Variants in GNA12 observed in about 807,000 individuals in gnomAD.
GNA12 encodes the protein guanine nucleotide-binding protein subunit alpha-12.
A neutral mutation model predicts 26.0 loss-of-function variants in GNA12; 9 were observed. That is an observed-to-expected ratio of 0.35 (90% CI 0.21 to 0.60). GNA12 has a LOEUF of 0.60. GNA12 is among the 20% of genes least tolerant of loss of function. The pLI, the probability that GNA12 is intolerant of heterozygous loss-of-function variation, is 0.78. For synonymous variants in GNA12, 264 were observed against 219.6 expected (o/e 1.20, Z -1.79); for missense variants, 405 against 525.8 (o/e 0.77, Z 2.25).
intron 2 of GNA12, among the ~76,000 whole-genome samples, chr7:2,767,742 A>AC (rs1447364881): frequency 5.9e-5 from 9 of 152,272 alleles, no homozygotes; most frequent in African/African-American, 2.2e-4. Flanking sequence ...TGGAAAGATA[A>AC]CATGGTACAT....
intron 1 of GNA12, among the ~76,000 whole-genome samples, chr7:2,802,451 T>C (rs576551736): frequency 6.6e-6 from 1 of 151,840 alleles, no homozygotes; most frequent in East Asian, 1.9e-4. Context: ...CTGCAAATCC[T>C]GTTATCTCAT....
At chr7:2,735,625 C>A (rs1790131082) in intron 2 of GNA12, among the ~76,000 whole-genome samples, 1 of 152,216 alleles carries the variant, frequency 6.6e-6, no homozygotes, top group African/African-American at 2.4e-5. Flanking sequence ...CACAACACAG[C>A]AAACACTCAC....
intron 1 of GNA12, among the ~76,000 whole-genome samples, chr7:2,842,347 G>C (rs1779022556): frequency 6.6e-6 from 1 of 152,000 alleles, no homozygotes; most frequent in African/African-American, 2.4e-5. Flanking sequence ...CACTCAGGCT[G>C]GAGTGCAGTG....
intron 2 of GNA12, among the ~76,000 whole-genome samples, chr7:2,747,522 A>C (rs1481183330): frequency 1.3e-5 from 2 of 152,218 alleles, no homozygotes; most frequent in African/African-American, 4.8e-5. Context: ...GACGTATCTC[A>C]AAATAATAAG....
chr7:2,798,190 G>A (rs1469402411), intron 1 of GNA12, among the ~76,000 whole-genome samples: 1 of 152,130 alleles, frequency 6.6e-6, no homozygotes, highest in Non-Finnish European at 1.5e-5. Context: ...CTCAGGAAAA[G>A]CAGGGGGGAA....
Position 2,755,843 on chromosome 7 carries a change from A to C in GNA12, c.526-22342T>G, listed in dbSNP as rs80121155. Among the ~76,000 whole-genome samples, 781 of 152,340 alleles carry C rather than the reference A, an allele frequency of 5.1e-3. 7 individuals carry two copies. Among genetic ancestry groups the C allele is most frequent in the African/African-American group, 0.018 (750 of 41,576 alleles). ...AAATTTGAAACCTAAATAATTGGAGAGTTATGTCATATTCATGAAATGGAA... is the reference window on the plus strand; with the variant it reads ...AAATTTGAAACCTAAATAATTGGAGCGTTATGTCATATTCATGAAATGGAA... On this transcript the variant is annotated intron_variant, in intron 2 of 3. Transcript: ENST00000275364.
chr7:2,840,260 T>C (rs1778952755), intron 1 of GNA12, among the ~76,000 whole-genome samples: 1 of 152,188 alleles, frequency 6.6e-6, no homozygotes, highest in African/African-American at 2.4e-5. Flanking sequence ...AAATCAAAAG[T>C]TTAATTTTTA....
At chr7:2,832,569 C>G (rs1013176128) in intron 1 of GNA12, among the ~76,000 whole-genome samples, 1 of 152,096 alleles carries the variant, frequency 6.6e-6, no homozygotes. Flanking sequence ...AGTTTCTGTT[C>G]GGCTTGGCTT....
At chr7:2,752,732 C>G (rs1173277978) in intron 2 of GNA12, among the ~76,000 whole-genome samples, 1 of 151,690 alleles carries the variant, frequency 6.6e-6, no homozygotes, top group Admixed American at 6.6e-5. Flanking sequence ...TTTTTTTTTG[C>G]CGTAACTTTT....
chr7:2,819,677 T>C (rs1793301849), intron 1 of GNA12, among the ~76,000 whole-genome samples: 1 of 152,186 alleles, frequency 6.6e-6, no homozygotes, highest in African/African-American at 2.4e-5. Context: ...GAAAAGATGC[T>C]ATACCTCATT....
intron 1 of GNA12, among the ~76,000 whole-genome samples, chr7:2,832,961 C>A (rs568380470): frequency 6.6e-6 from 1 of 152,214 alleles, no homozygotes; most frequent in East Asian, 1.9e-4. Flanking sequence ...GCTTCTCTAA[C>A]GGCTAACACA....
chr7:2,764,754 T>C (rs1412348197), intron 2 of GNA12: 1 of 152,222 alleles, frequency 6.6e-6, no homozygotes, highest in Non-Finnish European at 1.5e-5. Context: ...AGCTGGGAAC[T>C]GAAGCAGCAT....
At chr7:2,801,709 A>G (rs1330043056) in intron 1 of GNA12, among the ~76,000 whole-genome samples, 1 of 152,172 alleles carries the variant, frequency 6.6e-6, no homozygotes, top group Non-Finnish European at 1.5e-5. Context: ...AAGGCATTAA[A>G]AAAAAAAGAT....
At chr7:2,732,869 C>T (rs955538728) in intron 3 of GNA12, among the ~76,000 whole-genome samples, 11 of 152,186 alleles carry the variant, frequency 7.2e-5, no homozygotes, top group African/African-American at 2.4e-4. Context: ...CAATGCATGA[C>T]CTTATTAGGT....
At chr7:2,763,162 G>A in intron 2 of GNA12, 1 of 1,137,430 alleles carries the variant, frequency 8.8e-7, no homozygotes, top group Non-Finnish European at 1.1e-6. Context: ...CTGCTGACAA[G>A]AGGTTAGCAG....
intron 1 of GNA12, among the ~76,000 whole-genome samples, chr7:2,809,472 CATT>C (rs1360619762): frequency 5.3e-5 from 8 of 152,134 alleles, no homozygotes; most frequent in African/African-American, 1.7e-4. Context: ...TATGATGACT[CATT>C]ATTGACATTA....
chr7:2,811,134 G>A (rs1793071828), intron 1 of GNA12, among the ~76,000 whole-genome samples: 1 of 152,134 alleles, frequency 6.6e-6, no homozygotes, highest in South Asian at 2.1e-4. Flanking sequence ...AGACTACAAG[G>A]AACCCTGGCC....
chr7:2,770,091 G>C (rs1055127922), intron 2 of GNA12, among the ~76,000 whole-genome samples: 1 of 152,032 alleles, frequency 6.6e-6, no homozygotes, highest in Non-Finnish European at 1.5e-5. Context: ...GGTACTGTGA[G>C]GAAAATAAAA....
intron 2 of GNA12, among the ~76,000 whole-genome samples, chr7:2,765,871 CA>C: frequency 7.1e-6 from 1 of 140,098 alleles, no homozygotes; most frequent in Non-Finnish European, 1.6e-5. Flanking sequence ...CCTCGTGATC[CA>C]GGGCCCCCCT....
Sources: gnomAD v4.1 joint callset for allele counts (sites outside exome capture counted in the v4.1 genomes callset) on GRCh38, gnomAD v4.1.1 for gene constraint, MANE v1.5 for transcripts, NCBI Gene and HGNC (gene_info 2026-07-23, HGNC 2026-07-21) for gene names.